Variants in ESR2 observed in about 807,000 individuals in gnomAD.
The protein encoded by ESR2 is estrogen receptor beta.
ESR2 carries 36 observed loss-of-function variants against 49.6 expected under a neutral mutation model. That is an observed-to-expected ratio of 0.73 (90% CI 0.56 to 0.96). The LOEUF is 0.96. ESR2 is among the 40% of genes least tolerant of loss of function. The pLI, the probability that ESR2 is intolerant of heterozygous loss-of-function variation, is 0.00. For missense variants in ESR2, 714 were observed against 693.0 expected, an observed-to-expected ratio of 1.03 and a Z score of -0.34; for synonymous variants, 320 against 266.1, an observed-to-expected ratio of 1.20 and a Z score of -1.97.
chr14:64,240,287 C>A (rs1186204865), intron 7 of ESR2, among the ~76,000 whole-genome samples: 1 of 152,234 alleles, frequency 6.6e-6, no homozygotes. Flanking sequence ...CTTATCTAGC[C>A]TGGCAAGGCC....
chr14:64,260,781 A>G (rs758441712), intron 4 of ESR2, 33 bp from the exon 5 acceptor site: 4 of 1,428,560 alleles, frequency 2.8e-6, no homozygotes, highest in East Asian at 5.3e-5. Flanking sequence ...TCGAATTGCC[A>G]GGGTAAAACC....
intron 7 of ESR2, among the ~76,000 whole-genome samples, chr14:64,243,361 A>AATATTGCAAAGTGTTATCAAAATTTGAC (rs2075778888): frequency 6.6e-6 from 1 of 152,264 alleles, no homozygotes; most frequent in Non-Finnish European, 1.5e-5. Flanking sequence ...AAAAGTTAGA[A>AATATTGCAAAGTGTTATCAAAATTTGAC]ATATTGCAAA....
At position 64,332,980 on chromosome 14, in the gene ESR2, C is replaced by A. The variant is rs189347006; in HGVS notation, c.-91+4918G>T. On this transcript the variant is annotated intron_variant, in intron 1 of 8. Coordinates refer to the ESR2 transcript ENST00000358599. ...CAAGCTCTGCCTCCTGGGTTCACGC[C>A]ATTGTCCTGCCTCAGCCTCCCGAGT... Among the ~76,000 whole-genome samples the A allele has an allele frequency of 8.5e-3, 1,283 of 150,370 alleles. 6 individuals are homozygous for A. Among genetic ancestry groups the A allele is most frequent in the Admixed American group, 0.014 (207 of 15,056 alleles).
At chr14:64,242,995 G>A (rs1469964897) in intron 7 of ESR2, among the ~76,000 whole-genome samples, 1 of 152,212 alleles carries the variant, frequency 6.6e-6, no homozygotes, top group African/African-American at 2.4e-5. Flanking sequence ...CAAATCTCGT[G>A]AGATTTATTC....
chr14:64,260,553 C>T lies in ESR2; in HGVS notation c.848G>A (p.Ser283Asn). Reference sequence around the variant, plus strand: ...CTCGGTGAAGGGCGCACTGGGGCGGCTGATCAGCACATGGGGCGGCTCAGC... The same window carrying T: ...CTCGGTGAAGGGCGCACTGGGGCGGTTGATCAGCACATGGGGCGGCTCAGC... The part of the protein sequence containing the change: ...LEAEPPHVLI[S>N]RPSAPFTEAS... The change falls in exon 5 of 9, where the codon AGC (serine) becomes AAC (asparagine). Residue 283 changes from serine to asparagine, a missense_variant. Ser to Asn is a conservative substitution (Grantham distance 46). Transcript: ENST00000341099. 6.3e-7 allele frequency: 1 copy of T among 1,583,256 alleles called. No individual in the cohort carries two copies. Among genetic ancestry groups the T allele is most frequent in the Non-Finnish European group, 8.6e-7 (1 of 1,164,078 alleles).
At chr14:64,332,599 G>T (rs2140908586) in intron 1 of ESR2, among the ~76,000 whole-genome samples, 1 of 152,082 alleles carries the variant, frequency 6.6e-6, no homozygotes, top group Non-Finnish European at 1.5e-5. Flanking sequence ...AGGAGATCGA[G>T]ACCATCCTGG....
At position 64,257,261 on chromosome 14, in the gene ESR2, G is replaced by T. The variant is rs754998201; in HGVS notation, c.1056C>A (p.Gly352=). 6.8e-6 allele frequency: 11 copies of T among 1,614,058 alleles called. No individual in the cohort carries two copies. Among genetic ancestry groups the T allele is most frequent in the Non-Finnish European group, 9.3e-6 (11 of 1,180,046 alleles). The stretch of plus-strand genomic sequence containing the variant: ...CAAGATCTGGAGCAAAGATGAGCTT[G>T]CCGGGGTGGTCAATTGAGCGCCACA... ...GLMWRSIDHP[G]KLIFAPDLVL... is the part of the protein sequence containing the mutation. The change falls in exon 6 of 9, where the codon GGC becomes GGA. Residue 352 remains glycine (G), a synonymous_variant. Transcript: ENST00000341099.
At chr14:64,236,966 T>C (rs1412997025) in intron 7 of ESR2, among the ~76,000 whole-genome samples, 3 of 151,768 alleles carry the variant, frequency 2.0e-5, no homozygotes, top group African/African-American at 4.8e-5. Flanking sequence ...CCTTTTTTTT[T>C]TTTTCTTTTC....
intron 3 of ESR2, among the ~76,000 whole-genome samples, chr14:64,273,232 A>G (rs1260133175): frequency 6.6e-6 from 1 of 152,014 alleles, no homozygotes. Context: ...GAATTTTTCA[A>G]TTTTTCCAAA....
At chr14:64,299,435 C>G (rs2076997581) in intron 1 of ESR2, among the ~76,000 whole-genome samples, 1 of 140,666 alleles carries the variant, frequency 7.1e-6, no homozygotes, top group Non-Finnish European at 1.5e-5. Context: ...GAGTCTCGCT[C>G]TGTCGCCCAG....
intron 1 of ESR2, among the ~76,000 whole-genome samples, chr14:64,335,243 T>C (rs908235304): frequency 5.3e-5 from 8 of 152,358 alleles, no homozygotes; most frequent in African/African-American, 1.9e-4. Context: ...AGGCCTCCTG[T>C]GATACATTAA....
chr14:64,256,416 T>C (rs777589563), intron 6 of ESR2, among the ~76,000 whole-genome samples: 9 of 152,222 alleles, frequency 5.9e-5, no homozygotes, highest in Non-Finnish European at 1.3e-4. Flanking sequence ...AAAAATGCTA[T>C]ATAGTACATG....
At chr14:64,269,532 A>C (rs563443146) in intron 3 of ESR2, among the ~76,000 whole-genome samples, 12 of 152,300 alleles carry the variant, frequency 7.9e-5, no homozygotes, top group African/African-American at 2.6e-4. Flanking sequence ...GGGCTTGACC[A>C]CAGGACTTTT....
At chr14:64,337,031 G>T (rs567013090) in intron 1 of ESR2, among the ~76,000 whole-genome samples, 1 of 152,214 alleles carries the variant, frequency 6.6e-6, no homozygotes, top group South Asian at 2.1e-4. Flanking sequence ...ATGAGCTGAG[G>T]GCAGGAACAG....
At chr14:64,331,375 T>C (rs2077455691) in intron 1 of ESR2, among the ~76,000 whole-genome samples, 1 of 152,168 alleles carries the variant, frequency 6.6e-6, no homozygotes, top group Non-Finnish European at 1.5e-5. Flanking sequence ...TAGAACTAAA[T>C]AAACAGACAA....
In ESR2 at chr14:64,286,193, A is replaced by G. The variant is rs569602731; in HGVS notation, c.-90-3118T>C. 6.6e-5 allele frequency among the ~76,000 whole-genome samples: 10 copies of G among 152,316 alleles called. No individual in the cohort carries two copies. The East Asian group carries it at 1.9e-3, about 29-fold the overall frequency. ...ACATTGTAAATCAAAAATTTGGACC[A>G]AGGAGAGGAGAGAGAATGGTAGCTG... On this transcript the variant is annotated intron_variant, in intron 1 of 8. Transcript: ENST00000341099.
intron 7 of ESR2, among the ~76,000 whole-genome samples, chr14:64,246,527 A>G (rs1298673580): frequency 6.6e-6 from 1 of 152,002 alleles, no homozygotes; most frequent in Non-Finnish European, 1.5e-5. Flanking sequence ...GTATTTCTTC[A>G]TAATAGTGTG....
At chr14:64,272,139 C>G (rs2076460813) in intron 3 of ESR2, among the ~76,000 whole-genome samples, 1 of 152,180 alleles carries the variant, frequency 6.6e-6, no homozygotes, top group South Asian at 2.1e-4. Context: ...ATTTGCATTT[C>G]TCTGATAATT....
chr14:64,283,163 C>T (rs758719302), intron 1 of ESR2, 88 bp from the exon 2 acceptor site: 6 of 533,034 alleles, frequency 1.1e-5, no homozygotes, highest in African/African-American at 1.9e-5. Flanking sequence ...AAAATACATA[C>T]GTTTGTATGA....
Sources: allele counts gnomAD v4.1 joint callset (sites outside exome capture counted in the v4.1 genomes callset), GRCh38; gene constraint gnomAD v4.1.1; transcripts MANE v1.5; gene names NCBI Gene and HGNC (gene_info 2026-07-23, HGNC 2026-07-21).